The following TRPV4 variants were observed in gnomAD, a reference collection of about 807,000 sequenced individuals.
TRPV4 encodes the protein transient receptor potential cation channel subfamily V member 4.
In TRPV4, 58 loss-of-function variants were observed where a neutral mutation model predicts 84.1. That is an observed-to-expected ratio of 0.69 (90% confidence interval 0.56 to 0.86). The LOEUF (loss-of-function observed/expected upper bound fraction) is 0.86, where lower values mean the gene tolerates loss of function less well. TRPV4 is among the 40% of genes least tolerant of loss of function. TRPV4 has a pLI of 0.00. For missense variants in TRPV4, 879 were observed against 1,181.1 expected, an observed-to-expected ratio of 0.74 and a Z score of 3.75; for synonymous variants, 489 against 500.9, an observed-to-expected ratio of 0.98 and a Z score of 0.32.
At chr12:109,831,848 G>A (rs1202630403) in intron 1 of TRPV4, among the ~76,000 whole-genome samples, 1 of 152,218 alleles carries the variant, frequency 6.6e-6, no homozygotes, top group Non-Finnish European at 1.5e-5. Context: ...ACTGCCATTT[G>A]CCATTTGTGT....
chr12:109,788,953 C>G (rs1017715339), intron 12 of TRPV4, among the ~76,000 whole-genome samples: 1 of 152,162 alleles, frequency 6.6e-6, no homozygotes, highest in Non-Finnish European at 1.5e-5. Flanking sequence ...GAGGTTATCT[C>G]TCTCTCTCTC....
rs1892470829 is a variant in TRPV4 at position 109,833,375 on chromosome 12, C to T, written c.-57G>A. ...CTCCGGGACGGCTGGGCGCCGGCGGCCGGGAGATCCGCGCTTCCTGAATCC... is the reference window on the plus strand; with the variant it reads ...CTCCGGGACGGCTGGGCGCCGGCGGTCGGGAGATCCGCGCTTCCTGAATCC... On this transcript the variant is annotated 5_prime_UTR_variant, in exon 1 of 16. Transcript: ENST00000261740. 1 of 152,142 alleles carries T rather than the reference C, an allele frequency of 6.6e-6. No individual in the cohort carries two copies. Among genetic ancestry groups the T allele is most frequent in the Non-Finnish European group, 1.5e-5 (1 of 68,066 alleles). 9.4% of individuals were successfully genotyped at this position (152,142 alleles called of 1,614,324 possible). A position where few individuals can be genotyped will look rare whatever the true frequency, so the allele number is the denominator to read the frequency against.
chr12:109,802,750 C>T (rs751721531), intron 4 of TRPV4, among the ~76,000 whole-genome samples: 38 of 152,082 alleles, frequency 2.5e-4, no homozygotes, highest in Non-Finnish European at 1.8e-4. Flanking sequence ...GCCACCGCAC[C>T]CAGTGGAATC....
chr12:109,790,948 C>T (rs995994217), intron 12 of TRPV4, among the ~76,000 whole-genome samples: 1 of 152,182 alleles, frequency 6.6e-6, no homozygotes, highest in African/African-American at 2.4e-5. Flanking sequence ...ATAGCAAACC[C>T]CCTCTAACCA....
chr12:109,788,294 A>G, intron 13 of TRPV4, 106 bp downstream of exon 13: 1 of 1,085,724 alleles, frequency 9.2e-7, no homozygotes. Context: ...GAGAATGAGA[A>G]GACACTGCTT....
Position 109,793,895 on chromosome 12 carries a change from A to G in TRPV4, c.1584+35T>C. 6.9e-7 allele frequency: 1 copy of G among 1,446,950 alleles called. No individual in the cohort carries two copies. The highest frequency in any genetic ancestry group is 9.6e-7 in the Non-Finnish European group (1 of 1,046,726). The allele number at this position is 1,446,950 out of a possible 1,614,324, so 89.6% of individuals were successfully genotyped here. On this transcript the variant is annotated intron_variant, in intron 9 of 15. Transcript: ENST00000261740. This position sits in a 1 kb window ranked among gnomAD's most constrained non-coding sequence, Gnocchi z 4.0. Reference sequence around the variant, plus strand: ...AGGTGCAGGAAGAGAAGAGGAGGGCAGGCAGGGTGGGGGGCACGGGGGCCA... The same window carrying G: ...AGGTGCAGGAAGAGAAGAGGAGGGCGGGCAGGGTGGGGGGCACGGGGGCCA...
At chr12:109,821,676 A>G (rs1892104557) in intron 1 of TRPV4, among the ~76,000 whole-genome samples, 1 of 151,982 alleles carries the variant, frequency 6.6e-6, no homozygotes, top group Non-Finnish European at 1.5e-5. Context: ...GATTACAGGC[A>G]TGCACCACAA....
intron 3 of TRPV4, among the ~76,000 whole-genome samples, chr12:109,805,790 C>G (rs1459902172): frequency 1.3e-5 from 2 of 152,206 alleles, no homozygotes; most frequent in African/African-American, 4.8e-5. Flanking sequence ...ACCTCCAAAG[C>G]CTATCTTAGA....
At chr12:109,797,053 C>T (rs1296636173) in intron 6 of TRPV4, among the ~76,000 whole-genome samples, 2 of 152,124 alleles carry the variant, frequency 1.3e-5, no homozygotes, top group African/African-American at 2.4e-5. Flanking sequence ...CGATCACATG[C>T]GGTCCTTCCT....
chr12:109,813,245 A>C (rs1379462354), intron 2 of TRPV4, among the ~76,000 whole-genome samples: 1 of 152,166 alleles, frequency 6.6e-6, no homozygotes, highest in Non-Finnish European at 1.5e-5. Flanking sequence ...ACCTGTCTCT[A>C]CTAAAAATAC....
In TRPV4 at chr12:109,794,452, A is replaced by G. The variant is rs1404930416; in HGVS notation, c.1368T>C (p.Asn456=). The G allele has an allele frequency of 6.2e-7, 1 of 1,614,102 alleles. No homozygotes were observed. ...RHEMLAVEPI[N]ELLRDKWRKF... Reference sequence around the variant, plus strand: ...TGCGCCACTTGTCCCGCAGCAGTTCATTGATGGGCTCCACAGCCAGCATCT... The same window carrying G: ...TGCGCCACTTGTCCCGCAGCAGTTCGTTGATGGGCTCCACAGCCAGCATCT... Residue 456 remains asparagine (N), a synonymous_variant, in exon 8 of 16, where the codon AAT becomes AAC. Coordinates refer to ENST00000261740, the MANE Select transcript of TRPV4 (RefSeq NM_021625.5).
In TRPV4 at chr12:109,796,695, G is replaced by A. The variant is rs1201172376; in HGVS notation, c.1162C>T (p.His388Tyr). The A allele has an allele frequency of 2.5e-6, 4 of 1,612,348 alleles. No homozygotes were observed. The highest frequency in any genetic ancestry group is 3.4e-6 in the Non-Finnish European group (4 of 1,178,818). Residue 388 changes from histidine (H) to tyrosine (Y), a missense_variant, in exon 7 of 16, where the codon CAC becomes TAC. His to Tyr is a moderately conservative substitution (Grantham distance 83). Transcript: ENST00000261740. This position sits in a 1 kb window ranked among gnomAD's most constrained non-coding sequence, Gnocchi z 4.2. ...AKTGKIGIFQHIIRREVTDED... is the reference protein window; with the variant it reads ...AKTGKIGIFQYIIRREVTDED... ...TCCGTCACCTCCCGCCGGATGATGTGCTGAAAGATCTGCACAGGGGGCCAG... is the reference window on the plus strand; with the variant it reads ...TCCGTCACCTCCCGCCGGATGATGTACTGAAAGATCTGCACAGGGGGCCAG...
chr12:109,806,860 C>CAAA (rs1181923346), intron 3 of TRPV4, among the ~76,000 whole-genome samples: 2 of 45,616 alleles, frequency 4.4e-5, no homozygotes, highest in African/African-American at 9.4e-5. Flanking sequence ...GACCCTATCT[C>CAAA]AAAAAAAAAA....
At chr12:109,804,895 C>T (rs1163978845) in intron 3 of TRPV4, among the ~76,000 whole-genome samples, 1 of 152,204 alleles carries the variant, frequency 6.6e-6, no homozygotes, top group Non-Finnish European at 1.5e-5. Flanking sequence ...CCACGGTGAA[C>T]TACAGGGTCT....
intron 1 of TRPV4, among the ~76,000 whole-genome samples, chr12:109,817,584 T>C (rs1041352583): frequency 1.3e-5 from 2 of 152,188 alleles, no homozygotes; most frequent in Non-Finnish European, 2.9e-5. Context: ...CCAGCAACTG[T>C]CAACCTGTAT....
chr12:109,792,302 T>A (rs1462563524), intron 12 of TRPV4, 61 bp downstream of exon 12: 1 of 1,278,152 alleles, frequency 7.8e-7, no homozygotes, highest in East Asian at 2.4e-5. Context: ...CTATACATCA[T>A]GGCTACTGTT....
Position 109,786,599 on chromosome 12 carries a change from C to A in TRPV4, c.2336+111G>T. On this transcript the variant is annotated intron_variant, in intron 14 of 15. Coordinates refer to ENST00000261740, the MANE Select transcript of TRPV4 (RefSeq NM_021625.5). This position sits in a 1 kb window ranked among gnomAD's most constrained non-coding sequence, Gnocchi z 4.5. Reference sequence around the variant, plus strand: ...TGAACTCTGCTCGGGCCTCTTGGGGCCTCAGTGGCTCCAGAAATTGCAATG... The same window carrying A: ...TGAACTCTGCTCGGGCCTCTTGGGGACTCAGTGGCTCCAGAAATTGCAATG... 7.0e-7 allele frequency: 1 copy of A among 1,424,910 alleles called. No homozygotes were observed. Among genetic ancestry groups the A allele is most frequent in the Non-Finnish European group, 9.6e-7 (1 of 1,037,362 alleles). The allele number at this position is 1,424,910 out of a possible 1,614,324, so 88.3% of individuals were successfully genotyped here.
chr12:109,819,813 C>T (rs1279675676), intron 1 of TRPV4, among the ~76,000 whole-genome samples: 3 of 152,216 alleles, frequency 2.0e-5, no homozygotes, highest in Admixed American at 6.5e-5. Flanking sequence ...CTACCCGCCT[C>T]GGCCTCCCAA....
chr12:109,814,910 G>T lies in TRPV4; in HGVS notation c.-31-83C>A. 7.5e-7 allele frequency: 1 copy of T among 1,341,090 alleles called. No individual in the cohort carries two copies. The highest frequency in any genetic ancestry group is 1.0e-6 in the Non-Finnish European group (1 of 980,570). 83.1% of individuals were successfully genotyped at this position (1,341,090 alleles called of 1,614,324 possible). Reference sequence around the variant, plus strand: ...AAGCCCCCTCCCACGTGGACAAGCAGCAGTGCTGCCAGCTGCTTCAAAGCC... The same window carrying T: ...AAGCCCCCTCCCACGTGGACAAGCATCAGTGCTGCCAGCTGCTTCAAAGCC... On this transcript the variant is annotated intron_variant, in intron 1 of 15. Coordinates refer to ENST00000261740, the MANE Select transcript of TRPV4 (RefSeq NM_021625.5). The surrounding 1 kb of genome is among the most constrained non-coding windows in gnomAD (Gnocchi z 5.4).
Sources: allele counts gnomAD v4.1 joint callset (sites outside exome capture counted in the v4.1 genomes callset), GRCh38; gene constraint gnomAD v4.1.1; non-coding constraint Gnocchi (gnomAD v3.1); transcripts MANE v1.5; gene names NCBI Gene and HGNC (gene_info 2026-07-23, HGNC 2026-07-21).